Variants in ZBTB20 observed in about 807,000 individuals in gnomAD.
The protein encoded by ZBTB20 is zinc finger and BTB domain containing 20, also known as zinc finger and BTB domain-containing protein 20.
Under a neutral mutation model 56.9 loss-of-function variants are expected in ZBTB20, and 9 were observed. The ratio of observed to expected loss-of-function variants is 0.16; its 90% CI spans 0.10 to 0.28. The LOEUF (loss-of-function observed/expected upper bound fraction) is 0.28. Among genes scored for constraint, ZBTB20 ranks in the 10% least tolerant of loss-of-function variants. The pLI is 1.00. For missense variants in ZBTB20, 655 were observed against 1,003.0 expected (o/e 0.65, Z 4.69); for synonymous variants, 417 against 420.7 (o/e 0.99, Z 0.11).
intron 5 of ZBTB20, among the ~76,000 whole-genome samples, chr3:114,733,453 C>A (rs2065905908): frequency 6.6e-6 from 1 of 152,170 alleles, no homozygotes; most frequent in African/African-American, 2.4e-5. Flanking sequence ...TCTGATTTTT[C>A]ATCTGTGGCC....
intron 1 of ZBTB20, among the ~76,000 whole-genome samples, chr3:115,137,948 G>GTT (rs1465551193): frequency 1.3e-5 from 2 of 152,054 alleles, no homozygotes; most frequent in African/African-American, 2.4e-5. Flanking sequence ...TGATGATCAT[G>GTT]TTTTTGTGCC....
At chr3:114,767,197 T>G (rs769895637) in intron 5 of ZBTB20, among the ~76,000 whole-genome samples, 1 of 152,116 alleles carries the variant, frequency 6.6e-6, no homozygotes, top group Non-Finnish European at 1.5e-5. Flanking sequence ...TAGATGATGA[T>G]ATTCAAGTAG....
intron 1 of ZBTB20, among the ~76,000 whole-genome samples, chr3:115,143,582 A>G (rs899747542): frequency 6.6e-6 from 1 of 152,194 alleles, no homozygotes; most frequent in African/African-American, 2.4e-5. Flanking sequence ...ACAAATCCCA[A>G]CCAAAAATTA....
At chr3:114,391,131 GCT>G (rs1020939152) in intron 7 of ZBTB20, among the ~76,000 whole-genome samples, 4 of 152,188 alleles carry the variant, frequency 2.6e-5, no homozygotes, top group Middle Eastern at 3.4e-3. Context: ...TCTATGAAAA[GCT>G]CCTGACTGGT....
rs1036785920 is a variant in ZBTB20 at position 114,944,181 on chromosome 3, C to A, written c.-456+30185G>T. 1.2e-4 allele frequency among the ~76,000 whole-genome samples: 17 copies of A among 145,340 alleles called. 3 individuals are homozygous for A. The highest frequency in any genetic ancestry group is 4.2e-4 in the African/African-American group (15 of 35,620). ...AAAAAATGAGTAAAAGATCTGAACA[C>A]ACATTTCTCAGAAGAAGACATAAAA... On this transcript the variant is annotated intron_variant, in intron 3 of 11. Coordinates refer to ENST00000675478, the MANE Select transcript of ZBTB20 (RefSeq NM_001348800.3).
At chr3:114,772,720 G>A (rs1375171000) in intron 5 of ZBTB20, among the ~76,000 whole-genome samples, 1 of 152,028 alleles carries the variant, frequency 6.6e-6, no homozygotes, top group East Asian at 1.9e-4. Flanking sequence ...AATGTATGAT[G>A]GAGGTAGGTG....
Position 114,844,330 on chromosome 3 carries a change from AATAT to A in ZBTB20, c.-416-43160_-416-43157del, listed in dbSNP as rs71146341. 3.0e-3 allele frequency among the ~76,000 whole-genome samples: 293 copies of A among 99,196 alleles called. 3 individuals are homozygous for A. The highest frequency in any genetic ancestry group is 9.1e-3 in the African/African-American group (153 of 16,740). 65.1% of individuals were successfully genotyped at this position (99,196 alleles called of 152,430 possible). A position where few individuals can be genotyped will look rare whatever the true frequency, so the allele number is the denominator to read the frequency against. On this transcript the variant is annotated intron_variant, in intron 4 of 11. Transcript: ENST00000675478. Reference sequence around the variant, plus strand: ...GTTGCATAAGAAAATTACTGGAGTAAATATATATATATATATATATATATATATA... The same window carrying A: ...GTTGCATAAGAAAATTACTGGAGTAAATATATATATATATATATATATATA...
chr3:114,382,878 T>C (rs917667633), intron 8 of ZBTB20, among the ~76,000 whole-genome samples: 1 of 152,208 alleles, frequency 6.6e-6, no homozygotes, highest in Non-Finnish European at 1.5e-5. Context: ...ATATTTATGA[T>C]GTACCCATGA....
intron 6 of ZBTB20, among the ~76,000 whole-genome samples, chr3:114,682,288 A>G (rs2062022597): frequency 6.6e-6 from 1 of 152,246 alleles, no homozygotes; most frequent in African/African-American, 2.4e-5. Context: ...TTGAAAACAA[A>G]TTACTTCTAG....
chr3:114,769,552 CATATATATATAT>C (rs6148023), intron 5 of ZBTB20, among the ~76,000 whole-genome samples: 3,533 of 116,652 alleles, frequency 0.03, 74 homozygotes, highest in East Asian at 0.061. Flanking sequence ...TGCCAAAATG[CATATATATATAT>C]ATATATATAT....
At chr3:114,404,321 T>C (rs1471391204) in intron 7 of ZBTB20, among the ~76,000 whole-genome samples, 1 of 152,166 alleles carries the variant, frequency 6.6e-6, no homozygotes, top group South Asian at 2.1e-4. Flanking sequence ...GATTGGGTTA[T>C]TTCTATATTT....
chr3:115,078,659 T>C (rs1576725646), intron 1 of ZBTB20, among the ~76,000 whole-genome samples: 3 of 138,944 alleles, frequency 2.2e-5, no homozygotes, highest in Non-Finnish European at 4.7e-5. Context: ...AGAGAGAGAG[T>C]GGGGTAGATG....
At chr3:114,891,198 T>TA (rs1232287894) in intron 4 of ZBTB20, among the ~76,000 whole-genome samples, 1 of 152,168 alleles carries the variant, frequency 6.6e-6, no homozygotes, top group Non-Finnish European at 1.5e-5. Context: ...GAGACAGCCA[T>TA]AATGGATTAG....
intron 7 of ZBTB20, among the ~76,000 whole-genome samples, chr3:114,438,342 T>G (rs963311890): frequency 6.6e-6 from 1 of 151,942 alleles, no homozygotes; most frequent in Non-Finnish European, 1.5e-5. Flanking sequence ...CTGAAGCCTA[T>G]TTTAATGATC....
chr3:114,516,663 C>T (rs1038952969), intron 6 of ZBTB20, among the ~76,000 whole-genome samples: 3 of 152,080 alleles, frequency 2.0e-5, no homozygotes, highest in Non-Finnish European at 4.4e-5. Context: ...GTAGAGTGGG[C>T]CTGCAATCCA....
intron 2 of ZBTB20, among the ~76,000 whole-genome samples, chr3:114,996,485 G>A (rs2079033012): frequency 6.6e-6 from 1 of 151,716 alleles, no homozygotes; most frequent in African/African-American, 2.4e-5. Flanking sequence ...GTGTTAGTTT[G>A]CTGAGAATGA....
At chr3:114,602,121 C>T (rs770480321) in intron 6 of ZBTB20, among the ~76,000 whole-genome samples, 10 of 152,002 alleles carry the variant, frequency 6.6e-5, no homozygotes, top group African/African-American at 2.4e-4. Flanking sequence ...AATCATCTCA[C>T]ATGATTTGAA....
intron 6 of ZBTB20, among the ~76,000 whole-genome samples, chr3:114,579,156 C>CA (rs895846547): frequency 1.3e-5 from 2 of 151,718 alleles, no homozygotes; most frequent in African/African-American, 2.4e-5. Context: ...AAACCACCTA[C>CA]AGATTTCAAG....
intron 5 of ZBTB20, among the ~76,000 whole-genome samples, chr3:114,787,332 TATATATA>T (rs1484716788): frequency 0.032 from 256 of 7,980 alleles, 1 homozygote; most frequent in African/African-American, 0.045. Flanking sequence ...CTTAAAAGGT[TATATATA>T]TATATATATA....
Sources: gnomAD v4.1 joint callset for allele counts (sites outside exome capture counted in the v4.1 genomes callset) on GRCh38, gnomAD v4.1.1 for gene constraint, MANE v1.5 for transcripts, NCBI Gene and HGNC (gene_info 2026-07-23, HGNC 2026-07-21) for gene names.